The following TIAM2 variants were observed in gnomAD, a reference collection of about 807,000 sequenced individuals.
TIAM2 encodes the protein TIAM Rac1 associated GEF 2, also known as rho guanine nucleotide exchange factor TIAM2.
In TIAM2, 80 loss-of-function variants were observed where a neutral mutation model predicts 152.9. The observed-to-expected ratio is 0.52, with a 90% CI of 0.44 to 0.63. The LOEUF is 0.63. Ranked by LOEUF, TIAM2 falls within the 30% of genes least tolerant of loss-of-function variation. TIAM2 has a pLI of 0.00. For missense variants in TIAM2, 1,965 were observed against 2,120.1 expected, an observed-to-expected ratio of 0.93 and a Z score of 1.44; for synonymous variants, 804 against 838.0, an observed-to-expected ratio of 0.96 and a Z score of 0.70.
At chr6:155,240,844 G>A in intron 16 of TIAM2, 135 bp downstream of exon 16, 1 of 886,460 alleles carries the variant, frequency 1.1e-6, no homozygotes, top group Non-Finnish European at 1.7e-6. Context: ...CCTTGAATCA[G>A]TGAATTGCTC....
chr6:155,137,420 A>G lies in TIAM2; in HGVS notation c.1438A>G (p.Thr480Ala), dbSNP rs1432112771. 1 of 1,614,106 alleles carries G rather than the reference A, an allele frequency of 6.2e-7. No individual in the cohort carries two copies. The highest frequency in any genetic ancestry group is 2.2e-5 in the East Asian group (1 of 44,902). The change falls in exon 5 of 27, where the codon ACA (threonine) becomes GCA (alanine). Residue 480 changes from threonine to alanine, a missense_variant. By Grantham distance (58) the Thr-to-Ala change is moderately conservative. This residue lies in a region of TIAM2 where 1,025 missense variants were observed against 1,119.4 expected (regional missense o/e 0.92). Transcript: ENST00000682666. ...CAACACTGAGAACATAGAAACATCT[A>G]CAGAAACCGCCGAGTCCAGCAGCGA... ...RTNTENIETS[T>A]ETAESSSESL...
intron 2 of TIAM2, among the ~76,000 whole-genome samples, chr6:155,121,601 A>G (rs2115023900): frequency 6.6e-6 from 1 of 152,222 alleles, no homozygotes; most frequent in South Asian, 2.1e-4. Context: ...ACCCTCCCCA[A>G]ATAAAGAAAA....
chr6:155,035,759 G>A (rs1182492447), intron 1 of TIAM2, among the ~76,000 whole-genome samples: 1 of 152,186 alleles, frequency 6.6e-6, no homozygotes, highest in Non-Finnish European at 1.5e-5. Context: ...GAAAACATTT[G>A]ATTCTCATTA....
At chr6:155,109,597 C>T (rs199522951) in intron 2 of TIAM2, among the ~76,000 whole-genome samples, 2 of 152,148 alleles carry the variant, frequency 1.3e-5, no homozygotes, top group Non-Finnish European at 2.9e-5. Context: ...TTACAAATAT[C>T]AGGAGGCTTC....
intron 1 of TIAM2, among the ~76,000 whole-genome samples, chr6:155,003,081 T>C (rs1178203745): frequency 6.6e-6 from 1 of 152,158 alleles, no homozygotes; most frequent in Non-Finnish European, 1.5e-5. Flanking sequence ...ATGTGTGAAG[T>C]GTTCATTGAA....
rs73795821 is a variant in TIAM2 at position 155,030,376 on chromosome 6, G to T, written c.-209+34884G>T. ...AACTGCCTTCTGTTGGTGAGAAGTT[G>T]ATTTTAACAGTCCTGTGATAGCTGC... On this transcript the variant is annotated intron_variant, in intron 1 of 26. Transcript: ENST00000682666. Among the ~76,000 whole-genome samples the T allele has an allele frequency of 2.6e-3, 391 of 152,266 alleles. 4 individuals are homozygous for T. The highest frequency in any genetic ancestry group is 8.7e-3 in the African/African-American group (360 of 41,562).
chr6:155,107,755 G>C lies in TIAM2; in HGVS notation c.-118+17376G>C, dbSNP rs1173059011. Among the ~76,000 whole-genome samples, 5 of 152,168 alleles carry C rather than the reference G, an allele frequency of 3.3e-5. No homozygotes were observed. The East Asian group carries it at 7.7e-4, about 23-fold the overall frequency. On this transcript the variant is annotated intron_variant, in intron 2 of 26. Coordinates refer to ENST00000682666, the MANE Select transcript of TIAM2 (RefSeq NM_012454.4). ...TGGAATCCCTTGTAATCTTGGGAGG[G>C]GGGTACTTGTTTAAGAGGAGTGATT...
At chr6:155,181,602 T>C (rs1397462474) in intron 12 of TIAM2, among the ~76,000 whole-genome samples, 1 of 152,200 alleles carries the variant, frequency 6.6e-6, no homozygotes, top group East Asian at 1.9e-4. Context: ...AGCTGAACTC[T>C]GTACCCATTT....
chr6:155,090,827 C>T (rs1054484180), intron 2 of TIAM2, among the ~76,000 whole-genome samples: 1 of 152,072 alleles, frequency 6.6e-6, no homozygotes, highest in Middle Eastern at 3.4e-3. Context: ...GCTCAGGGGA[C>T]GGGGATTTTA....
At chr6:155,246,727 A>C (rs62428928) in intron 19 of TIAM2, among the ~76,000 whole-genome samples, 52,190 of 151,802 alleles carry the variant, frequency 0.34, 9,657 homozygotes, top group Middle Eastern at 0.5. Context: ...AGTACAGTGA[A>C]AGCATACCAA....
At chr6:155,008,356 CA>C (rs1168554452) in intron 1 of TIAM2, among the ~76,000 whole-genome samples, 1 of 152,158 alleles carries the variant, frequency 6.6e-6, no homozygotes, top group Non-Finnish European at 1.5e-5. Flanking sequence ...AGAAAGTCAG[CA>C]AAATCACCTG....
At chr6:155,230,359 C>T (rs1220921395) in intron 15 of TIAM2, among the ~76,000 whole-genome samples, 1 of 152,250 alleles carries the variant, frequency 6.6e-6, no homozygotes, top group Non-Finnish European at 1.5e-5. Context: ...TGTGCTTCCC[C>T]CAGCCCCAAG....
chr6:155,117,806 C>A (rs1779050119), intron 2 of TIAM2, among the ~76,000 whole-genome samples: 1 of 152,202 alleles, frequency 6.6e-6, no homozygotes, highest in Admixed American at 6.5e-5. Flanking sequence ...TCCCTCCAGG[C>A]ACAAGCTGAT....
At chr6:155,033,992 C>T (rs1229599089) in intron 1 of TIAM2, among the ~76,000 whole-genome samples, 3 of 151,916 alleles carry the variant, frequency 2.0e-5, no homozygotes, top group African/African-American at 7.3e-5. Flanking sequence ...GTTGGGATTA[C>T]AGGCGTGAGC....
chr6:155,147,432 G>A (rs1244699302), intron 6 of TIAM2, among the ~76,000 whole-genome samples: 3 of 151,690 alleles, frequency 2.0e-5, no homozygotes, highest in African/African-American at 2.4e-5. Context: ...TCAGCTTCCC[G>A]AGTAGGTGGG....
At chr6:155,070,299 C>T (rs1224921125) in intron 1 of TIAM2, among the ~76,000 whole-genome samples, 3 of 140,002 alleles carry the variant, frequency 2.1e-5, no homozygotes, top group African/African-American at 8.2e-5. Flanking sequence ...CGGCTCACTG[C>T]AACCTCTGCC....
chr6:155,080,688 C>T (rs1229727498), intron 1 of TIAM2, among the ~76,000 whole-genome samples: 3 of 152,166 alleles, frequency 2.0e-5, no homozygotes, highest in African/African-American at 7.2e-5. Context: ...CCACCTCAGC[C>T]TCCCAGAGTG....
At position 155,033,095 on chromosome 6, in the gene TIAM2, G is replaced by A. The variant is rs9480023; in HGVS notation, c.-209+37603G>A. 3.9e-4 allele frequency among the ~76,000 whole-genome samples: 59 copies of A among 152,196 alleles called. No individual in the cohort carries two copies. The Middle Eastern group carries it at 0.01, about 26-fold the overall frequency. Reference sequence around the variant, plus strand: ...ACTGGTCTAGATTTTCCTTGTTCCCGGGTCTTCTCGTTGCCTTCCTGAACA... The same window carrying A: ...ACTGGTCTAGATTTTCCTTGTTCCCAGGTCTTCTCGTTGCCTTCCTGAACA... On this transcript the variant is annotated intron_variant, in intron 1 of 26. Transcript: ENST00000682666.
intron 1 of TIAM2, among the ~76,000 whole-genome samples, chr6:155,034,236 G>T (rs773858406): frequency 7.3e-5 from 11 of 151,112 alleles, no homozygotes; most frequent in Non-Finnish European, 1.5e-4. Flanking sequence ...CTCTCTTCTG[G>T]GGTCCATTGG....
Sources: gnomAD v4.1 joint callset for allele counts (sites outside exome capture counted in the v4.1 genomes callset) on GRCh38, gnomAD v4.1.1 for gene constraint, gnomAD v4.1.1 regional missense constraint, MANE v1.5 for transcripts, NCBI Gene and HGNC (gene_info 2026-07-23, HGNC 2026-07-21) for gene names.